RGPD4: variants seen among roughly 807,000 people sequenced by gnomAD.
RGPD4 encodes the protein RANBP2 like and GRIP domain containing 4.
RGPD4 carries 84 observed loss-of-function variants against 141.1 expected under a neutral mutation model. The ratio of observed to expected loss-of-function variants is 0.60; its 90% confidence interval spans 0.50 to 0.71. The LOEUF is 0.71. RGPD4 is among the 30% of genes least tolerant of loss of function. The pLI is 0.00. For synonymous variants in RGPD4, 298 were observed against 566.8 expected (o/e 0.53, Z 6.74); for missense variants, 918 against 1,622.4 (o/e 0.57, Z 7.46).
Position 107,880,072 on chromosome 2 carries a change from G to A in RGPD4, c.5029G>A (p.Glu1677Lys), listed in dbSNP as rs1675310472. Residue 1677 changes from glutamate (E) to lysine (K), a missense_variant, in exon 21 of 23, where the codon GAG becomes AAG. Physicochemically the swap from Glu to Lys is moderately conservative, Grantham distance 56 (BLOSUM62 1). Transcript: ENST00000408999. ...DHLNGLLREAEATSAVLMEQI... is the reference protein window; with the variant it reads ...DHLNGLLREAKATSAVLMEQI... ...CTTAAACGGCCTGCTTCGGGAAGCA[G>A]AGGCAACCAGTGCAGTCCTTATGGA... 6.2e-7 allele frequency: 1 copy of A among 1,611,306 alleles called. No homozygotes were observed. The highest frequency in any genetic ancestry group is 8.5e-7 in the Non-Finnish European group (1 of 1,179,864).
chr2:107,869,814 T>G, intron 18 of RGPD4, 69 bp from the exon 19 acceptor site: 13 of 1,535,602 alleles, frequency 8.5e-6, no homozygotes, highest in Middle Eastern at 4.8e-4. Flanking sequence ...TTGTAGCTCT[T>G]GACTAGATAG....
Position 107,880,006 on chromosome 2 carries a change from T to C in RGPD4, c.4963T>C (p.Leu1655=). The C allele has an allele frequency of 6.2e-7, 1 of 1,611,444 alleles. No homozygotes were observed. Among genetic ancestry groups the C allele is most frequent in the Non-Finnish European group, 8.5e-7 (1 of 1,179,836 alleles). The change falls in exon 21 of 23, where the codon TTG becomes CTG. Residue 1655 remains leucine (L), a synonymous_variant. Transcript: ENST00000408999. The part of the protein sequence containing the change: ...LWHAEFTKEE[L]VQKLSSTTKS... ...GCATGCTGAATTTACCAAAGAAGAA[T>C]TGGTTCAGAAGCTCAGTTCCACCAC...
intron 1 of RGPD4, among the ~76,000 whole-genome samples, chr2:107,834,601 T>C (rs1380258082): frequency 2.0e-5 from 3 of 152,002 alleles, no homozygotes; most frequent in African/African-American, 7.3e-5. Context: ...TGTGTTCAAG[T>C]AACCCTTATT....
At chr2:107,844,830 G>GTTTTTTTTTTTTTTTTTTTTTT (rs1222283120) in intron 6 of RGPD4, among the ~76,000 whole-genome samples, 1 of 26,174 alleles carries the variant, frequency 3.8e-5, no homozygotes, top group Non-Finnish European at 7.1e-5. Context: ...TTTCTTTTTT[G>GTTTTTTTTTTTTTTTTTTTTTT]TTTTTTTTTT....
At chr2:107,832,806 G>C (rs1328522607) in intron 1 of RGPD4, among the ~76,000 whole-genome samples, 1 of 151,772 alleles carries the variant, frequency 6.6e-6, no homozygotes, top group Non-Finnish European at 1.5e-5. Context: ...AGTCTGATGA[G>C]ATTCTTGTTC....
At chr2:107,869,495 A>G in intron 18 of RGPD4, among the ~76,000 whole-genome samples, 1 of 141,292 alleles carries the variant, frequency 7.1e-6, no homozygotes, top group East Asian at 2.0e-4. Flanking sequence ...TTCTAGGCCC[A>G]CTTCAAATGC....
chr2:107,875,700 C>G (rs1396873971), intron 20 of RGPD4, among the ~76,000 whole-genome samples: 3 of 124,540 alleles, frequency 2.4e-5, no homozygotes, highest in Non-Finnish European at 4.9e-5. Flanking sequence ...TGTTAGCTAC[C>G]CATAGAGTAA....
intron 22 of RGPD4, among the ~76,000 whole-genome samples, chr2:107,884,905 GA>G (rs1166295782): frequency 6.6e-6 from 1 of 151,886 alleles, no homozygotes; most frequent in African/African-American, 2.4e-5. Context: ...CCCTGGTCTA[GA>G]GGCCTGATAA....
intron 22 of RGPD4, among the ~76,000 whole-genome samples, chr2:107,886,072 TA>T (rs1675502636): frequency 3.7e-5 from 5 of 133,424 alleles, no homozygotes; most frequent in Non-Finnish European, 8.2e-5. Flanking sequence ...AAAAAAAAAG[TA>T]AACTACAAGA....
chr2:107,885,322 G>A lies in RGPD4; in HGVS notation c.5266+2449G>A, dbSNP rs1485170026. ...TAAAATTAACCAGGACTTTAAGAAC[G>A]TTTGCATTTTAAAATTAAAGTTTTC... On this transcript the variant is annotated intron_variant, in intron 22 of 22. Coordinates refer to ENST00000408999, the MANE Select transcript of RGPD4 (RefSeq NM_182588.3). Among the ~76,000 whole-genome samples, 7 of 152,100 alleles carry A rather than the reference G, an allele frequency of 4.6e-5. No homozygotes were observed. In the East Asian group the frequency reaches 5.8e-4, roughly 13 times the overall value.
At chr2:107,883,730 A>G (rs1675434786) in intron 22 of RGPD4, among the ~76,000 whole-genome samples, 1 of 150,920 alleles carries the variant, frequency 6.6e-6, no homozygotes, top group Non-Finnish European at 1.5e-5. Flanking sequence ...GAAATGCTTC[A>G]TATACAACTG....
intron 1 of RGPD4, among the ~76,000 whole-genome samples, chr2:107,828,601 G>A (rs1186411555): frequency 8.8e-6 from 1 of 113,472 alleles, no homozygotes; most frequent in Non-Finnish European, 1.8e-5. Context: ...CGACCTGGCC[G>A]GGCGGCGGCG....
At chr2:107,847,824 CAAAAAAAA>C (rs1263002672) in intron 6 of RGPD4, among the ~76,000 whole-genome samples, 1 of 53,146 alleles carries the variant, frequency 1.9e-5, no homozygotes, top group Non-Finnish European at 3.4e-5. Context: ...GACTCCGTCT[CAAAAAAAA>C]AAAAAAAAAA....
chr2:107,885,983 G>A (rs1432608001), intron 22 of RGPD4, among the ~76,000 whole-genome samples: 1 of 151,294 alleles, frequency 6.6e-6, no homozygotes, highest in East Asian at 2.0e-4. Flanking sequence ...AACCCAGGAG[G>A]CAGAGGTTGC....
At chr2:107,858,397 C>CCTTTTCTTTTT (rs1682404218) in intron 9 of RGPD4, among the ~76,000 whole-genome samples, 4 of 140,744 alleles carry the variant, frequency 2.8e-5, no homozygotes, top group African/African-American at 1.1e-4. Context: ...AAGCACATAA[C>CCTTTTCTTTTT]CTTTTCTTTT....
chr2:107,849,651 G>A (rs1266537655), intron 7 of RGPD4, among the ~76,000 whole-genome samples: 2 of 86,972 alleles, frequency 2.3e-5, no homozygotes, highest in East Asian at 2.3e-4. Flanking sequence ...ATTTACAGGC[G>A]TGAGCCACCA....
intron 1 of RGPD4, among the ~76,000 whole-genome samples, chr2:107,829,703 G>A (rs1025887769): frequency 3.2e-4 from 48 of 152,244 alleles, no homozygotes; most frequent in African/African-American, 1.2e-3. Flanking sequence ...CGGCGGGCGG[G>A]AGACCTTTGG....
intron 20 of RGPD4, among the ~76,000 whole-genome samples, chr2:107,873,451 T>C (rs1213641709): frequency 1.4e-5 from 2 of 144,486 alleles, no homozygotes; most frequent in Non-Finnish European, 1.5e-5. Flanking sequence ...TGCGTGCCTA[T>C]AATTAGCAGC....
Position 107,859,442 on chromosome 2 carries a change from C to T in RGPD4, c.1522C>T (p.His508Tyr). The T allele has an allele frequency of 1.2e-6, 2 of 1,610,722 alleles. No individual in the cohort carries two copies. The highest frequency in any genetic ancestry group is 1.7e-6 in the Non-Finnish European group (2 of 1,179,808). Residue 508 changes from histidine (H) to tyrosine (Y), a missense_variant, in exon 11 of 23, where the codon CAC (histidine) becomes TAC (tyrosine). His to Tyr is a moderately conservative substitution (Grantham distance 83). Transcript: ENST00000408999. ...LQLKEKCNSH[H>Y]SSYQPLCLPL... ...ATTAAAGGAGAAATGTAATTCTCAC[C>T]ACAGCTCCTATCAGCCGTTATGCCT...
Sources: gnomAD v4.1 joint callset for allele counts (sites outside exome capture counted in the v4.1 genomes callset) on GRCh38, gnomAD v4.1.1 for gene constraint, MANE v1.5 for transcripts, NCBI Gene and HGNC (gene_info 2026-07-23, HGNC 2026-07-21) for gene names.